MOB1B: variants seen among roughly 807,000 people sequenced by gnomAD.
The protein encoded by MOB1B is MOB kinase activator 1B.
Under a neutral mutation model 24.4 loss-of-function variants are expected in MOB1B, and 19 were observed. The observed-to-expected ratio is 0.78, with a 90% CI of 0.54 to 1.14. MOB1B has a LOEUF of 1.14. MOB1B is among the 50% of genes most tolerant of loss of function. The pLI is 0.00. For missense variants in MOB1B, 243 were observed against 259.6 expected (o/e 0.94, Z 0.44); for synonymous variants, 76 against 82.1 (o/e 0.93, Z 0.40).
intron 1 of MOB1B, chr4:70,958,552 C>T (rs1738165060): frequency 2.8e-6 from 1 of 353,172 alleles, no homozygotes. Context: ...AAGAAGGAAA[C>T]AAATTTATTT....
chr4:70,975,886 T>C, intron 4 of MOB1B: 1 of 808,738 alleles, frequency 1.2e-6, no homozygotes, highest in Non-Finnish European at 1.5e-6. Flanking sequence ...TTTTATTTTA[T>C]TTATTTTAAT....
chr4:70,922,086 A>G (rs2148873745), intron 1 of MOB1B, among the ~76,000 whole-genome samples: 1 of 152,326 alleles, frequency 6.6e-6, no homozygotes, highest in African/African-American at 2.4e-5. Flanking sequence ...TTTCTGGCAC[A>G]TTTTGTATAC....
rs756219175 is a variant in MOB1B at position 70,902,510 on chromosome 4, G to C, written c.-27G>C. The C allele has an allele frequency of 5.1e-6, 8 of 1,560,376 alleles. No homozygotes were observed. Among genetic ancestry groups the C allele is most frequent in the Non-Finnish European group, 6.9e-6 (8 of 1,152,780 alleles). Reference sequence around the variant, plus strand: ...GCCGCTCCGAGGCCTCGCGACCGCCGAGCCTGCAGCCTGCCCCGCGGCCAA... The same window carrying C: ...GCCGCTCCGAGGCCTCGCGACCGCCCAGCCTGCAGCCTGCCCCGCGGCCAA... On this transcript the variant is annotated 5_prime_UTR_variant, in exon 1 of 6. Coordinates refer to ENST00000309395, the MANE Select transcript of MOB1B (RefSeq NM_173468.4).
At chr4:70,980,502 A>G (rs1417580433) in intron 5 of MOB1B, among the ~76,000 whole-genome samples, 1 of 152,142 alleles carries the variant, frequency 6.6e-6, no homozygotes, top group Non-Finnish European at 1.5e-5. Context: ...GTATCTCAGG[A>G]CACTGTGAGC....
intron 1 of MOB1B, among the ~76,000 whole-genome samples, chr4:70,932,361 A>G (rs923188339): frequency 6.6e-6 from 1 of 152,206 alleles, no homozygotes; most frequent in Admixed American, 6.5e-5. Flanking sequence ...TTTCCAGTCT[A>G]GGTGATCCAA....
chr4:70,956,017 G>A (rs892785248), intron 1 of MOB1B, among the ~76,000 whole-genome samples: 2 of 151,858 alleles, frequency 1.3e-5, no homozygotes, highest in African/African-American at 2.4e-5. Flanking sequence ...GACTACAGGC[G>A]TGTACTGCCA....
chr4:70,955,616 G>A (rs969929657), intron 1 of MOB1B, among the ~76,000 whole-genome samples: 1 of 151,320 alleles, frequency 6.6e-6, no homozygotes, highest in African/African-American at 2.4e-5. Context: ...GATTATAGGT[G>A]CGCACCACCA....
In MOB1B at chr4:70,983,709, T is replaced by C. The variant is rs1341217532; in HGVS notation, c.*1652T>C. 1 of 152,568 alleles carries C rather than the reference T, an allele frequency of 6.6e-6. No individual in the cohort carries two copies. Among genetic ancestry groups the C allele is most frequent in the Non-Finnish European group, 1.5e-5 (1 of 67,992 alleles). The allele number at this position is 152,568 out of a possible 1,614,324, so 9.5% of individuals were successfully genotyped here. A position where few individuals can be genotyped will look rare whatever the true frequency, so the allele number is the denominator to read the frequency against. On this transcript the variant is annotated 3_prime_UTR_variant, in exon 6 of 6. Coordinates refer to ENST00000309395, the MANE Select transcript of MOB1B (RefSeq NM_173468.4). ...TTGTTTTGCCATTAAAGTAGAGCAG[T>C]GATACAATTTAATGCCATTACAATT...
At chr4:70,968,113 G>T (rs1738609558) in intron 2 of MOB1B, among the ~76,000 whole-genome samples, 1 of 152,228 alleles carries the variant, frequency 6.6e-6, no homozygotes, top group African/African-American at 2.4e-5. Context: ...GTATCCCCAA[G>T]TGCTGGGGTT....
intron 1 of MOB1B, among the ~76,000 whole-genome samples, chr4:70,934,760 A>G (rs1737017975): frequency 1.3e-5 from 2 of 151,984 alleles, no homozygotes; most frequent in South Asian, 2.1e-4. Context: ...CCAGCCTGGA[A>G]TATAATTTTA....
At chr4:70,937,269 C>CT (rs1244664234) in intron 1 of MOB1B, among the ~76,000 whole-genome samples, 33 of 147,920 alleles carry the variant, frequency 2.2e-4, no homozygotes, top group Middle Eastern at 3.4e-3. Context: ...TATGGGACTT[C>CT]TTTTTTTTTT....
At chr4:70,950,724 G>T in intron 1 of MOB1B, 1 of 1,530,132 alleles carries the variant, frequency 6.5e-7, no homozygotes, top group South Asian at 1.2e-5. Context: ...AAGTTGACTG[G>T]AACTTTCAGT....
upstream of MOB1B, chr4:70,902,355 C>G: frequency 4.3e-6 from 3 of 693,696 alleles, no homozygotes; most frequent in South Asian, 4.6e-5. Flanking sequence ...CCACTTCCGC[C>G]CCCTCCCCCT....
chr4:70,937,516 G>GT (rs373683364), intron 1 of MOB1B, among the ~76,000 whole-genome samples: 4,160 of 147,600 alleles, frequency 0.028, 193 homozygotes, highest in African/African-American at 0.096. Context: ...TTTCCCATCT[G>GT]TTTTTTTTTC....
intron 1 of MOB1B, among the ~76,000 whole-genome samples, chr4:70,923,613 A>T (rs547843943): frequency 7.7e-4 from 118 of 152,272 alleles, no homozygotes; most frequent in African/African-American, 2.6e-3. Flanking sequence ...AGTATTGGGC[A>T]TTAGGAGGAA....
intron 1 of MOB1B, among the ~76,000 whole-genome samples, chr4:70,947,442 T>A (rs1737630531): frequency 6.6e-6 from 1 of 150,428 alleles, no homozygotes; most frequent in Admixed American, 6.6e-5. Context: ...TTGGCTAGGT[T>A]TTTTTCCCCC....
chr4:70,902,755 C>T (rs779868102), intron 1 of MOB1B, among the ~76,000 whole-genome samples: 1 of 152,180 alleles, frequency 6.6e-6, no homozygotes, highest in Non-Finnish European at 1.5e-5. Flanking sequence ...TTCGAGTACT[C>T]GTGGGCTCCT....
At chr4:70,922,447 G>T (rs984372998) in intron 1 of MOB1B, among the ~76,000 whole-genome samples, 5 of 152,182 alleles carry the variant, frequency 3.3e-5, no homozygotes, top group African/African-American at 1.2e-4. Flanking sequence ...GACAATTCGA[G>T]GTGGGGAGGG....
In MOB1B at chr4:70,902,441, C is replaced by G. The variant is rs942914328; in HGVS notation, c.-96C>G. 7.4e-7 allele frequency: 1 copy of G among 1,358,044 alleles called. No homozygotes were observed. The highest frequency in any genetic ancestry group is 1.2e-5 in the South Asian group (1 of 80,320). 84.1% of individuals were successfully genotyped at this position (1,358,044 alleles called of 1,614,324 possible). The stretch of plus-strand genomic sequence containing the variant: ...TCTCGGCACCTCCTCCTCCGCCTCC[C>G]TGTCTCCTGTTCCATTCGCCTTTCC... On this transcript the variant is annotated 5_prime_UTR_variant, in exon 1 of 6. Coordinates refer to ENST00000309395, the MANE Select transcript of MOB1B (RefSeq NM_173468.4).
Sources: allele counts gnomAD v4.1 joint callset (sites outside exome capture counted in the v4.1 genomes callset), GRCh38; gene constraint gnomAD v4.1.1; transcripts MANE v1.5; gene names NCBI Gene and HGNC (gene_info 2026-07-23, HGNC 2026-07-21).